The following GRB10 variants were observed in gnomAD, a reference collection of about 807,000 sequenced individuals.
GRB10 encodes growth factor receptor bound protein 10.
GRB10 carries 20 observed loss-of-function variants against 80.9 expected under a neutral mutation model. That is an observed-to-expected ratio of 0.25 (90% confidence interval 0.17 to 0.36). GRB10 has a LOEUF of 0.36. Among genes scored for constraint, GRB10 ranks in the 10% least tolerant of loss-of-function variants. The pLI, the probability that GRB10 is intolerant of heterozygous loss-of-function variation, is 1.00. For synonymous variants in GRB10, 291 were observed against 291.5 expected, an observed-to-expected ratio of 1.00 and a Z score of 0.02; for missense variants, 548 against 747.7, an observed-to-expected ratio of 0.73 and a Z score of 3.12.
At chr7:50,635,937 A>T (rs1447069529) in intron 7 of GRB10, among the ~76,000 whole-genome samples, 2 of 110,696 alleles carry the variant, frequency 1.8e-5, no homozygotes, top group Non-Finnish European at 3.9e-5. Context: ...AGATGGATCC[A>T]CAGCTTTTTT....
chr7:50,783,217 G>A (rs2078493537), upstream of GRB10, among the ~76,000 whole-genome samples: 1 of 152,184 alleles, frequency 6.6e-6, no homozygotes, highest in East Asian at 1.9e-4. Flanking sequence ...TACTCTTCCA[G>A]GATCACTCTC....
At chr7:50,689,441 C>T (rs2062517048) in intron 5 of GRB10, among the ~76,000 whole-genome samples, 1 of 152,180 alleles carries the variant, frequency 6.6e-6, no homozygotes, top group Non-Finnish European at 1.5e-5. Flanking sequence ...CTTTCTTGGT[C>T]AGGCTGAATC....
chr7:50,664,679 G>T (rs1405337384), intron 7 of GRB10, among the ~76,000 whole-genome samples: 1 of 152,140 alleles, frequency 6.6e-6, no homozygotes, highest in Non-Finnish European at 1.5e-5. Context: ...TGTCTGCCAG[G>T]GCACCAAGAT....
At chr7:50,792,830 G>A (rs1017229435) in intron 1 of GRB10, 2 of 154,376 alleles carry the variant, frequency 1.3e-5, no homozygotes, top group African/African-American at 2.4e-5. Context: ...CAGGAGCGCG[G>A]CCTTGACCGC....
At chr7:50,770,617 G>A (rs898378516) in intron 2 of GRB10, among the ~76,000 whole-genome samples, 1 of 152,112 alleles carries the variant, frequency 6.6e-6, no homozygotes, top group Admixed American at 6.5e-5. Context: ...CTTGCATTCC[G>A]TCGCGAATGC....
chr7:50,653,639 C>A (rs542043811), intron 7 of GRB10, among the ~76,000 whole-genome samples: 2 of 152,330 alleles, frequency 1.3e-5, no homozygotes, highest in South Asian at 2.1e-4. Flanking sequence ...TCCCACACTC[C>A]TCCCCTTGGA....
intron 3 of GRB10, among the ~76,000 whole-genome samples, chr7:50,750,281 G>C (rs2073874300): frequency 1.3e-5 from 2 of 152,174 alleles, no homozygotes; most frequent in African/African-American, 4.8e-5. Context: ...TAAATTTCAA[G>C]GATGATCATA....
chr7:50,787,343 AGTAC>A (rs1486799005), upstream of GRB10, among the ~76,000 whole-genome samples: 1 of 152,146 alleles, frequency 6.6e-6, no homozygotes, highest in Non-Finnish European at 1.5e-5. Flanking sequence ...GAAATATGGA[AGTAC>A]GTACAGAAAA....
At chr7:50,746,677 T>C (rs570287954) in intron 3 of GRB10, among the ~76,000 whole-genome samples, 1 of 152,304 alleles carries the variant, frequency 6.6e-6, no homozygotes, top group South Asian at 2.1e-4. Flanking sequence ...AAGAGGCTTT[T>C]TGCCTACTGC....
At position 50,592,209 on chromosome 7, in the gene GRB10, A is replaced by C. The variant is rs1226794693; in HGVS notation, c.*743T>G. The C allele has an allele frequency of 6.5e-6, 1 of 154,002 alleles. No homozygotes were observed. Among genetic ancestry groups the C allele is most frequent in the Non-Finnish European group, 1.4e-5 (1 of 69,352 alleles). The allele number at this position is 154,002 out of a possible 1,614,324, so 9.5% of individuals were successfully genotyped here. A position where few individuals can be genotyped will look rare whatever the true frequency, so the allele number is the denominator to read the frequency against. ...TCCTGCACTGTGCAGAACAAGACAC[A>C]CTAATAACAAGAGGATCTGACATCT... is the stretch of plus-strand genomic sequence containing the variant. On this transcript the variant is annotated 3_prime_UTR_variant, in exon 19 of 19. Coordinates refer to ENST00000401949, the MANE Select transcript of GRB10 (RefSeq NM_001350814.2).
intron 2 of GRB10, among the ~76,000 whole-genome samples, chr7:50,776,327 C>T (rs2077641319): frequency 6.6e-6 from 1 of 152,108 alleles, no homozygotes; most frequent in African/African-American, 2.4e-5. Flanking sequence ...GATCTTCCCA[C>T]TTCAGTCCCC....
intron 2 of GRB10, among the ~76,000 whole-genome samples, chr7:50,757,449 G>A (rs924090874): frequency 1.3e-5 from 2 of 152,232 alleles, no homozygotes; most frequent in African/African-American, 2.4e-5. Flanking sequence ...AAGCTATGAA[G>A]CTTGCTAATG....
chr7:50,608,384 A>T (rs894722534), intron 13 of GRB10, among the ~76,000 whole-genome samples: 2 of 152,240 alleles, frequency 1.3e-5, no homozygotes, highest in African/African-American at 2.4e-5. Context: ...TTCAAGAATG[A>T]AAGTGAAACA....
chr7:50,622,188 A>G (rs528826624), intron 8 of GRB10, among the ~76,000 whole-genome samples: 9 of 152,356 alleles, frequency 5.9e-5, no homozygotes, highest in South Asian at 2.1e-4. Flanking sequence ...ACGTGTGGAT[A>G]AGGCCGTAAG....
chr7:50,731,977 C>T (rs1161263226), intron 4 of GRB10, among the ~76,000 whole-genome samples: 3 of 152,250 alleles, frequency 2.0e-5, no homozygotes, highest in East Asian at 1.9e-4. Context: ...ATTCCAAACA[C>T]GGAAGCCCGG....
intron 7 of GRB10, among the ~76,000 whole-genome samples, chr7:50,661,606 C>T (rs954560340): frequency 4.6e-5 from 7 of 152,174 alleles, no homozygotes; most frequent in Admixed American, 2.6e-4. Context: ...GGGGACACCC[C>T]GCCCTCTTGT....
At chr7:50,696,360 G>A (rs117398400) in intron 5 of GRB10, among the ~76,000 whole-genome samples, 257 of 152,276 alleles carry the variant, frequency 1.7e-3, no homozygotes, top group Non-Finnish European at 2.9e-3. Context: ...CTTTACAGAC[G>A]CCTCTTTCCA....
At chr7:50,713,015 T>C (rs1353357960) in intron 4 of GRB10, among the ~76,000 whole-genome samples, 6 of 152,210 alleles carry the variant, frequency 3.9e-5, no homozygotes, top group African/African-American at 1.4e-4. Flanking sequence ...ATAAAATGCC[T>C]TTGCCAAGTC....
intron 7 of GRB10, among the ~76,000 whole-genome samples, chr7:50,661,929 C>T (rs2059322302): frequency 6.6e-6 from 1 of 152,180 alleles, no homozygotes; most frequent in Non-Finnish European, 1.5e-5. Context: ...CTGCTGTCTC[C>T]GGCCCTAGAC....
Sources: allele counts gnomAD v4.1 joint callset (sites outside exome capture counted in the v4.1 genomes callset), GRCh38; gene constraint gnomAD v4.1.1; transcripts MANE v1.5; gene names NCBI Gene and HGNC (gene_info 2026-07-23, HGNC 2026-07-21).